Variants in TTC3 observed in about 807,000 individuals in gnomAD.
The protein encoded by TTC3 is tetratricopeptide repeat domain 3.
Under a neutral mutation model 249.6 loss-of-function variants are expected in TTC3, and 180 were observed. The ratio of observed to expected loss-of-function variants is 0.72; its 90% CI spans 0.64 to 0.82. The LOEUF (loss-of-function observed/expected upper bound fraction) is 0.82. TTC3 is among the 40% of genes least tolerant of loss of function. The probability of loss-of-function intolerance (pLI) is 0.00; values close to 1 mark genes in which losing one functional copy is unlikely to be tolerated. For missense variants in TTC3, 2,061 were observed against 2,398.4 expected (o/e 0.86, Z 2.94); for synonymous variants, 717 against 805.0 (o/e 0.89, Z 1.85).
chr21:37,145,227 T>G (rs568022315), intron 21 of TTC3, among the ~76,000 whole-genome samples: 17 of 152,356 alleles, frequency 1.1e-4, no homozygotes, highest in South Asian at 6.2e-4. Flanking sequence ...AACTCTCACA[T>G]GTACTCAGAA....
At chr21:37,079,827 C>T (rs9981226) in intron 1 of TTC3, among the ~76,000 whole-genome samples, 69,037 of 151,754 alleles carry the variant, frequency 0.45, 16,241 homozygotes, top group Non-Finnish European at 0.52. Flanking sequence ...AGCCACCGCT[C>T]GTGGTATGGC....
chr21:37,186,990 T>C, intron 37 of TTC3, 59 bp from the exon 38 acceptor site: 1 of 1,075,060 alleles, frequency 9.3e-7, no homozygotes, highest in Non-Finnish European at 1.3e-6. Flanking sequence ...CTGAAACCTT[T>C]GTCATCTCAC....
At chr21:37,113,800 A>G (rs541934073) in intron 11 of TTC3, among the ~76,000 whole-genome samples, 3 of 152,250 alleles carry the variant, frequency 2.0e-5, no homozygotes, top group African/African-American at 7.2e-5. Context: ...CTACAAGGCT[A>G]CAGTAACTAA....
intron 3 of TTC3, 96 bp from the exon 4 acceptor site, chr21:37,088,100 C>T: frequency 8.9e-7 from 1 of 1,119,370 alleles, no homozygotes; most frequent in Non-Finnish European, 1.2e-6. Context: ...TCATTTCTTC[C>T]CTCTCCATAT....
At chr21:37,190,786 C>T (rs187283234) in intron 39 of TTC3, among the ~76,000 whole-genome samples, 238 of 152,312 alleles carry the variant, frequency 1.6e-3, no homozygotes, top group African/African-American at 4.8e-3. Context: ...TGAGGTCTTA[C>T]TATACCCACA....
intron 37 of TTC3, among the ~76,000 whole-genome samples, chr21:37,186,614 A>G (rs1356331730): frequency 6.6e-6 from 1 of 152,100 alleles, no homozygotes; most frequent in Non-Finnish European, 1.5e-5. Flanking sequence ...TTTTGTAGAT[A>G]TAGGGTTTTG....
chr21:37,133,280 A>T (rs7281140), intron 17 of TTC3, among the ~76,000 whole-genome samples: 3,227 of 152,308 alleles, frequency 0.021, 106 homozygotes, highest in African/African-American at 0.074. Flanking sequence ...AATTCTTTTT[A>T]CGTTACTTCA....
At chr21:37,084,373 A>C (rs1224019439) in intron 1 of TTC3, 1 of 152,250 alleles carries the variant, frequency 6.6e-6, no homozygotes, top group Non-Finnish European at 1.5e-5. Context: ...TTTAGCAATT[A>C]AGGTAGACTA....
intron 45 of TTC3, 147 bp from the exon 46 acceptor site, chr21:37,201,293 T>G (rs935679691): frequency 2.1e-6 from 2 of 956,730 alleles, no homozygotes; most frequent in Non-Finnish European, 3.3e-6. Context: ...CCTGAGCGGG[T>G]GTTGGTGTCC....
Position 37,167,620 on chromosome 21 carries a change from AG to A in TTC3, c.4467+1del. 6.2e-7 allele frequency: 1 copy of A among 1,607,820 alleles called. No individual in the cohort carries two copies. The highest frequency in any genetic ancestry group is 8.5e-7 in the Non-Finnish European group (1 of 1,175,828). Reference sequence around the variant, plus strand: ...CATATAATCCTTTTGAGGAACGACAAGTGAGTCAAAATTACATTAAACTGTT... The same window carrying A: ...CATATAATCCTTTTGAGGAACGACAATGAGTCAAAATTACATTAAACTGTT... On this transcript the variant is annotated splice_donor_variant, in intron 34 of 45. Transcript: ENST00000355666. LOFTEE classifies it high-confidence loss of function.
At chr21:37,184,511 A>G (rs571076563) in intron 36 of TTC3, among the ~76,000 whole-genome samples, 20 of 151,842 alleles carry the variant, frequency 1.3e-4, no homozygotes, top group African/African-American at 4.4e-4. Context: ...CTGGAGTGCA[A>G]TGGTGCAATC....
At chr21:37,085,689 T>C (rs1289147253) in intron 1 of TTC3, 1 of 152,240 alleles carries the variant, frequency 6.6e-6, no homozygotes, top group Non-Finnish European at 1.5e-5. Context: ...GTGAAGATCA[T>C]GTTAGTTGAG....
At chr21:37,094,512 G>GT (rs1202980152) in intron 8 of TTC3, among the ~76,000 whole-genome samples, 1 of 152,132 alleles carries the variant, frequency 6.6e-6, no homozygotes, top group African/African-American at 2.4e-5. Context: ...AAAAGTTTTA[G>GT]TTTTTTCTCT....
At chr21:37,132,602 T>A (rs2077566937) in intron 16 of TTC3, 80 bp from the exon 17 acceptor site, 2 of 1,099,194 alleles carry the variant, frequency 1.8e-6, no homozygotes, top group African/African-American at 3.2e-5. Flanking sequence ...TATGAGCCAC[T>A]GTGCCTGGCC....
At chr21:37,111,923 A>G (rs1352711798) in intron 11 of TTC3, among the ~76,000 whole-genome samples, 1 of 149,582 alleles carries the variant, frequency 6.7e-6, no homozygotes, top group Non-Finnish European at 1.5e-5. Flanking sequence ...CTACATGGAA[A>G]CTGAACAACC....
intron 39 of TTC3, among the ~76,000 whole-genome samples, chr21:37,189,747 C>T (rs1569181068): frequency 1.3e-5 from 2 of 151,932 alleles, no homozygotes; most frequent in African/African-American, 4.8e-5. Flanking sequence ...TGAATTTCAC[C>T]ATATTAGCCA....
chr21:37,085,319 T>C (rs1474919871), intron 1 of TTC3, among the ~76,000 whole-genome samples: 1 of 152,224 alleles, frequency 6.6e-6, no homozygotes, highest in African/African-American at 2.4e-5. Flanking sequence ...TAGAGTTAAA[T>C]TTTTTAAACT....
intron 1 of TTC3, among the ~76,000 whole-genome samples, chr21:37,075,858 G>A (rs370988652): frequency 5.9e-5 from 9 of 152,152 alleles, no homozygotes; most frequent in African/African-American, 2.2e-4. Context: ...TGGCAGGTGA[G>A]GTGATTTAAT....
intron 11 of TTC3, among the ~76,000 whole-genome samples, chr21:37,111,701 A>G (rs1336215457): frequency 1.3e-5 from 2 of 152,244 alleles, no homozygotes; most frequent in African/African-American, 4.8e-5. Context: ...AAGCGGACCT[A>G]ATAGACATCT....
Sources: gnomAD v4.1 joint callset for allele counts (sites outside exome capture counted in the v4.1 genomes callset) on GRCh38, gnomAD v4.1.1 for gene constraint, MANE v1.5 for transcripts, NCBI Gene and HGNC (gene_info 2026-07-23, HGNC 2026-07-21) for gene names.